SUPT3H: variants seen among roughly 807,000 people sequenced by gnomAD.
SUPT3H encodes SPT3 homolog, SAGA and STAGA complex component.
In SUPT3H, 44 loss-of-function variants were observed where a neutral mutation model predicts 44.3. The ratio of observed to expected loss-of-function variants is 0.99; its 90% CI spans 0.78 to 1.28. The LOEUF (loss-of-function observed/expected upper bound fraction) is 1.28, where lower values mean the gene tolerates loss of function less well. SUPT3H is among the 50% of genes most tolerant of loss of function. The probability of loss-of-function intolerance (pLI) is 0.00; values close to 1 mark genes in which losing one functional copy is unlikely to be tolerated. For missense variants in SUPT3H, 380 were observed against 387.1 expected, an observed-to-expected ratio of 0.98 and a Z score of 0.15; for synonymous variants, 124 against 125.6, an observed-to-expected ratio of 0.99 and a Z score of 0.09.
At chr6:45,009,329 T>C (rs1216338626) in intron 5 of SUPT3H, among the ~76,000 whole-genome samples, 2 of 152,166 alleles carry the variant, frequency 1.3e-5, no homozygotes, top group Non-Finnish European at 2.9e-5. Context: ...CAAGTCCAAT[T>C]TTCCCTTTTT....
At chr6:44,817,125 CAT>C (rs1491027757) in intron 11 of SUPT3H, among the ~76,000 whole-genome samples, 1 of 139,132 alleles carries the variant, frequency 7.2e-6, no homozygotes, top group African/African-American at 2.7e-5. Flanking sequence ...CACACACACA[CAT>C]GCCCACACAC....
At chr6:44,930,878 G>C (rs1205701778) in intron 10 of SUPT3H, among the ~76,000 whole-genome samples, 2 of 152,134 alleles carry the variant, frequency 1.3e-5, no homozygotes, top group African/African-American at 4.8e-5. Flanking sequence ...ATCCAAATTA[G>C]CTTAGGCAAT....
chr6:44,850,661 C>T (rs1772710448), intron 10 of SUPT3H, among the ~76,000 whole-genome samples: 1 of 152,112 alleles, frequency 6.6e-6, no homozygotes. Flanking sequence ...GACTGAAATA[C>T]TGAACTTTCT....
intron 2 of SUPT3H, among the ~76,000 whole-genome samples, chr6:45,146,755 A>C (rs1394442836): frequency 1.3e-5 from 2 of 152,118 alleles, no homozygotes; most frequent in Non-Finnish European, 2.9e-5. Context: ...ATTTCCTTTC[A>C]TCACTAACTC....
intron 2 of SUPT3H, among the ~76,000 whole-genome samples, chr6:45,330,594 C>T (rs1418991885): frequency 6.6e-6 from 1 of 151,984 alleles, no homozygotes; most frequent in Non-Finnish European, 1.5e-5. Flanking sequence ...AAAATTCTCA[C>T]AAAGAATATA....
chr6:45,336,200 T>C (rs944058500), intron 2 of SUPT3H, among the ~76,000 whole-genome samples: 6 of 151,420 alleles, frequency 4.0e-5, no homozygotes, highest in Non-Finnish European at 8.9e-5. Flanking sequence ...TTTTAAAAAC[T>C]TTTTACCACT....
Position 45,255,152 on chromosome 6 carries a change from A to C in SUPT3H, c.101+110049T>G, listed in dbSNP as rs6922335. Among the ~76,000 whole-genome samples, 266 of 152,300 alleles carry C rather than the reference A, an allele frequency of 1.7e-3. 3 individuals are homozygous for C. Among genetic ancestry groups the C allele is most frequent in the African/African-American group, 6.3e-3 (260 of 41,560 alleles). On this transcript the variant is annotated intron_variant, in intron 2 of 10. Transcript: ENST00000371459. The stretch of plus-strand genomic sequence containing the variant: ...TAATTAATTAAACTTTATCAAAGGT[A>C]TATCTGTATGGGAAAAAACACTATA...
chr6:45,275,268 C>T (rs186549002), intron 2 of SUPT3H, among the ~76,000 whole-genome samples: 48 of 152,176 alleles, frequency 3.2e-4, no homozygotes, highest in Non-Finnish European at 6.3e-4. Context: ...ATTTCTTGGT[C>T]TGCTTACTTG....
intron 2 of SUPT3H, among the ~76,000 whole-genome samples, chr6:45,357,784 G>T (rs1220701280): frequency 6.6e-6 from 1 of 152,034 alleles, no homozygotes; most frequent in Non-Finnish European, 1.5e-5. Context: ...ATAAAAATGA[G>T]AACCTAAAAC....
intron 2 of SUPT3H, chr6:45,328,163 G>T: frequency 1.7e-6 from 1 of 581,582 alleles, no homozygotes; most frequent in Non-Finnish European, 2.5e-6. Flanking sequence ...GTGAGAGAAA[G>T]AGAGAGAGAG....
In SUPT3H at chr6:45,272,491, T is replaced by G. The variant is rs4521586; in HGVS notation, c.101+92710A>C. On this transcript the variant is annotated intron_variant, in intron 2 of 10. Transcript: ENST00000371459. ...TTCCCCGGCCATGTGGAACTGTTAG[T>G]CCAATTAAACCTCTGTCTTTTGTAA... Among the ~76,000 whole-genome samples, 5 of 152,238 alleles carry G rather than the reference T, an allele frequency of 3.3e-5. No homozygotes were observed. In the East Asian group the frequency reaches 9.7e-4, roughly 29 times the overall value.
At chr6:45,059,035 G>T (rs1445013857) in intron 3 of SUPT3H, among the ~76,000 whole-genome samples, 1 of 152,014 alleles carries the variant, frequency 6.6e-6, no homozygotes, top group Non-Finnish European at 1.5e-5. Context: ...AGCATCAGGA[G>T]GATAAGATCT....
chr6:45,147,885 T>C, intron 2 of SUPT3H, among the ~76,000 whole-genome samples: 1 of 152,138 alleles, frequency 6.6e-6, no homozygotes, highest in Admixed American at 6.6e-5. Flanking sequence ...AGAAAGATGA[T>C]GAAATAAGTA....
chr6:45,322,896 C>T (rs779765557), intron 2 of SUPT3H: 8 of 1,612,798 alleles, frequency 5.0e-6, no homozygotes, highest in South Asian at 3.3e-5. Context: ...AGTTGAAGAA[C>T]GTTGTTCCAA....
At chr6:45,348,003 A>G (rs1272884912) in intron 2 of SUPT3H, among the ~76,000 whole-genome samples, 1 of 152,130 alleles carries the variant, frequency 6.6e-6, no homozygotes, top group African/African-American at 2.4e-5. Context: ...TTAAAGTTAT[A>G]TAAATAGGTA....
downstream of SUPT3H, among the ~76,000 whole-genome samples, chr6:44,824,461 A>G (rs1767591626): frequency 6.6e-6 from 1 of 152,132 alleles, no homozygotes; most frequent in African/African-American, 2.4e-5. Context: ...GGAGTTGGAG[A>G]CCAGCCTCAG....
At chr6:44,879,014 C>T (rs1458806222) in intron 10 of SUPT3H, among the ~76,000 whole-genome samples, 3 of 152,044 alleles carry the variant, frequency 2.0e-5, no homozygotes, top group Non-Finnish European at 2.9e-5. Flanking sequence ...GGGCAGACAC[C>T]GAGCTAGCTC....
At chr6:45,107,434 C>T (rs1053376706) in intron 2 of SUPT3H, among the ~76,000 whole-genome samples, 16 of 151,962 alleles carry the variant, frequency 1.1e-4, no homozygotes, top group African/African-American at 3.4e-4. Context: ...ATGGTGACAC[C>T]CTCAATGTGT....
chr6:45,214,201 G>GA (rs900624568), intron 2 of SUPT3H, among the ~76,000 whole-genome samples: 14 of 151,594 alleles, frequency 9.2e-5, no homozygotes, highest in African/African-American at 3.4e-4. Flanking sequence ...AACACCTTAT[G>GA]AAAAAAATTT....
Sources: gnomAD v4.1 joint callset for allele counts (sites outside exome capture counted in the v4.1 genomes callset) on GRCh38, gnomAD v4.1.1 for gene constraint, MANE v1.5 for transcripts, NCBI Gene and HGNC (gene_info 2026-07-23, HGNC 2026-07-21) for gene names.